PDE4D: variants seen among roughly 807,000 people sequenced by gnomAD.
PDE4D encodes the protein 3',5'-cyclic-AMP phosphodiesterase 4D.
Under a neutral mutation model 87.4 loss-of-function variants are expected in PDE4D, and 24 were observed. That is an observed-to-expected ratio of 0.27 (90% CI 0.20 to 0.39). PDE4D has a LOEUF of 0.39. PDE4D is among the 10% of genes least tolerant of loss of function. The pLI, the probability that PDE4D is intolerant of heterozygous loss-of-function variation, is 1.00. For synonymous variants in PDE4D, 384 were observed against 383.2 expected (o/e 1.00, Z -0.02); for missense variants, 714 against 1,041.0 (o/e 0.69, Z 4.32).
At chr5:60,138,469 T>C (rs1036995753) in intron 2 of PDE4D, among the ~76,000 whole-genome samples, 13 of 152,140 alleles carry the variant, frequency 8.5e-5, no homozygotes, top group African/African-American at 3.1e-4. Flanking sequence ...AGTAGCCCTG[T>C]AATTCCAAAT....
At chr5:60,261,470 G>A (rs1357322314) in intron 1 of PDE4D, among the ~76,000 whole-genome samples, 1 of 151,844 alleles carries the variant, frequency 6.6e-6, no homozygotes, top group African/African-American at 2.4e-5. Context: ...TAATTAAATT[G>A]GTACCTTTCT....
chr5:60,184,648 T>A (rs1319251512), intron 2 of PDE4D, among the ~76,000 whole-genome samples: 1 of 152,232 alleles, frequency 6.6e-6, no homozygotes, highest in Non-Finnish European at 1.5e-5. Context: ...TATCTGCACA[T>A]ACTCATGCCT....
chr5:59,409,410 C>T (rs746851253), intron 1 of PDE4D, among the ~76,000 whole-genome samples: 1 of 152,086 alleles, frequency 6.6e-6, no homozygotes, highest in Non-Finnish European at 1.5e-5. Context: ...CGGAATGATA[C>T]AGTTTGGGTG....
At chr5:60,240,567 G>A (rs185517225) in intron 1 of PDE4D, among the ~76,000 whole-genome samples, 33 of 152,200 alleles carry the variant, frequency 2.2e-4, no homozygotes, top group Non-Finnish European at 4.0e-4. Context: ...GGTTACAGCA[G>A]GCCTTGGACA....
At chr5:59,009,593 G>A (rs1253890612) in intron 6 of PDE4D, among the ~76,000 whole-genome samples, 1 of 152,002 alleles carries the variant, frequency 6.6e-6, no homozygotes, top group African/African-American at 2.4e-5. Context: ...GGGGTTTGGG[G>A]AATGACTATA....
upstream of PDE4D, chr5:60,489,595 C>T (rs924130983): frequency 4.6e-5 from 7 of 152,150 alleles, no homozygotes; most frequent in Non-Finnish European, 1.5e-5. Context: ...TGTGACTAGC[C>T]AGGGAAGAAT....
At chr5:60,151,066 T>C (rs145120213) in intron 2 of PDE4D, among the ~76,000 whole-genome samples, 154 of 152,318 alleles carry the variant, frequency 1.0e-3, no homozygotes, top group African/African-American at 3.3e-3. Flanking sequence ...AGCTGAATTA[T>C]GGGATAACAC....
intron 2 of PDE4D, among the ~76,000 whole-genome samples, chr5:60,077,498 T>G (rs1057422863): frequency 4.6e-5 from 7 of 152,094 alleles, no homozygotes; most frequent in African/African-American, 1.7e-4. Context: ...CCCCACGAGC[T>G]ACCTGGGGAC....
At chr5:59,036,092 C>G (rs1758448225) in intron 6 of PDE4D, among the ~76,000 whole-genome samples, 1 of 152,170 alleles carries the variant, frequency 6.6e-6, no homozygotes, top group South Asian at 2.1e-4. Context: ...GGCTAAGATG[C>G]CTTTTATTGA....
At chr5:59,706,531 T>C (rs1753431667) in intron 1 of PDE4D, among the ~76,000 whole-genome samples, 1 of 152,096 alleles carries the variant, frequency 6.6e-6, no homozygotes, top group Non-Finnish European at 1.5e-5. Context: ...GGTTAGCAAA[T>C]AAGAAAACTA....
intron 1 of PDE4D, among the ~76,000 whole-genome samples, chr5:59,308,638 T>C (rs1771903858): frequency 6.7e-6 from 1 of 148,720 alleles, no homozygotes; most frequent in South Asian, 2.2e-4. Context: ...AGGTTACCAG[T>C]GCCTGTTCTG....
At chr5:60,458,642 G>C (rs1746676155) in intron 1 of PDE4D, among the ~76,000 whole-genome samples, 1 of 152,078 alleles carries the variant, frequency 6.6e-6, no homozygotes, top group Non-Finnish European at 1.5e-5. Flanking sequence ...GTCATGGGAG[G>C]CTGGAGTCAC....
chr5:59,669,529 C>T (rs1427747093), intron 1 of PDE4D, among the ~76,000 whole-genome samples: 1 of 152,144 alleles, frequency 6.6e-6, no homozygotes, highest in Non-Finnish European at 1.5e-5. Context: ...AGTTAACTAG[C>T]TGCCCCTTGA....
intron 2 of PDE4D, chr5:60,022,578 G>A (rs1438104258): frequency 6.6e-6 from 1 of 152,048 alleles, no homozygotes; most frequent in African/African-American, 2.4e-5. Flanking sequence ...GAGCATCCCA[G>A]CTCTCTCTCT....
intron 1 of PDE4D, among the ~76,000 whole-genome samples, chr5:60,245,758 G>A (rs1050230064): frequency 6.6e-6 from 1 of 151,768 alleles, no homozygotes; most frequent in African/African-American, 2.4e-5. Context: ...AGATGGTAAA[G>A]GGATGGTTAC....
At chr5:60,063,138 GA>G (rs879639895) in intron 2 of PDE4D, among the ~76,000 whole-genome samples, 7 of 141,178 alleles carry the variant, frequency 5.0e-5, no homozygotes, top group African/African-American at 7.9e-5. Context: ...AAGAAAGAAA[GA>G]AAGAAAGAAA....
chr5:59,499,347 T>TAAAAAAAAAAAAAAAAAAAAAAAAA (rs55735204), intron 1 of PDE4D, among the ~76,000 whole-genome samples: 1 of 130,732 alleles, frequency 7.6e-6, no homozygotes, highest in Admixed American at 7.5e-5. Context: ...AAATCGCACC[T>TAAAAAAAAAAAAAAAAAAAAAAAAA]AAAAAAAAAA....
intron 2 of PDE4D, among the ~76,000 whole-genome samples, chr5:60,056,039 A>C (rs1173154533): frequency 1.3e-5 from 2 of 152,048 alleles, no homozygotes; most frequent in African/African-American, 4.8e-5. Flanking sequence ...TTTCTCAGTG[A>C]AATTGTAGGA....
chr5:59,462,957 C>T (rs1242013319), intron 1 of PDE4D, among the ~76,000 whole-genome samples: 1 of 151,694 alleles, frequency 6.6e-6, no homozygotes, highest in Non-Finnish European at 1.5e-5. Flanking sequence ...TTTATTTAAA[C>T]TTCATACTGA....
Sources: gnomAD v4.1 joint callset for allele counts (sites outside exome capture counted in the v4.1 genomes callset) on GRCh38, gnomAD v4.1.1 for gene constraint, MANE v1.5 for transcripts, NCBI Gene and HGNC (gene_info 2026-07-23, HGNC 2026-07-21) for gene names.